KCNT2: variants seen among roughly 807,000 people sequenced by gnomAD.
KCNT2 encodes potassium channel subfamily T member 2.
KCNT2 carries 67 observed loss-of-function variants against 153.8 expected under a neutral mutation model. That is an observed-to-expected ratio of 0.44 (90% CI 0.36 to 0.53). The LOEUF is 0.53. KCNT2 is among the 20% of genes least tolerant of loss of function. The pLI is 0.00. For missense variants in KCNT2, 975 were observed against 1,354.8 expected (o/e 0.72, Z 4.40); for synonymous variants, 500 against 458.8 (o/e 1.09, Z -1.15).
intron 24 of KCNT2, 91 bp from the exon 25 acceptor site, chr1:196,281,079 G>C (rs902650361): frequency 1.7e-5 from 17 of 986,578 alleles, no homozygotes; most frequent in East Asian, 1.6e-4. Context: ...TTATTTTTGT[G>C]GGGGGCAGGG....
chr1:196,340,464 T>C lies in KCNT2; in HGVS notation c.1660A>G (p.Asn554Asp). The change falls in exon 16 of 28, where the codon AAT becomes GAT. Residue 554 changes from asparagine to aspartate, a missense_variant. This residue lies in a region of KCNT2 where 325 missense variants were observed against 388.1 expected (regional missense o/e 0.84). Transcript: ENST00000294725. ...MNSTDICFYI[N>D]ITKEENSAFK... Reference sequence around the variant, plus strand: ...GCTGAATTCTCTTCTTTGGTAATATTAATATAAAAGCATATGTCTGTAGAA... The same window carrying C: ...GCTGAATTCTCTTCTTTGGTAATATCAATATAAAAGCATATGTCTGTAGAA... 3 of 1,611,370 alleles carry C rather than the reference T, an allele frequency of 1.9e-6. No individual in the cohort carries two copies. The highest frequency in any genetic ancestry group is 1.7e-6 in the Non-Finnish European group (2 of 1,178,012).
chr1:196,343,250 C>T (rs183879010), intron 14 of KCNT2: 4 of 152,164 alleles, frequency 2.6e-5, no homozygotes, highest in Non-Finnish European at 5.9e-5. Context: ...AGTACAATGT[C>T]TTTTGTTCTG....
chr1:196,261,130 A>C (rs140911848), intron 25 of KCNT2, among the ~76,000 whole-genome samples: 1 of 151,760 alleles, frequency 6.6e-6, no homozygotes, highest in African/African-American at 2.4e-5. Context: ...CCTGTGTTTT[A>C]AACATGCCAT....
At chr1:196,576,072 TTATATATA>T (rs66537346) in intron 1 of KCNT2, among the ~76,000 whole-genome samples, 1 of 145,212 alleles carries the variant, frequency 6.9e-6, no homozygotes, top group Non-Finnish European at 1.5e-5. Context: ...GTGTTAGGTT[TTATATATA>T]TATATATATA....
intron 13 of KCNT2, among the ~76,000 whole-genome samples, chr1:196,388,729 A>G (rs1053000965): frequency 6.6e-6 from 1 of 151,776 alleles, no homozygotes; most frequent in South Asian, 2.1e-4. Flanking sequence ...TTTCTGTATA[A>G]GGAAGATCAT....
At position 196,387,175 on chromosome 1, in the gene KCNT2, C is replaced by T. The variant is rs112686006; in HGVS notation, c.1294+11388G>A. On this transcript the variant is annotated intron_variant, in intron 13 of 27. Transcript: ENST00000294725. Reference sequence around the variant, plus strand: ...CATCCACAAACCCATCTTCTACCTACTACTATATATTCCTTTATAAAGTGA... The same window carrying T: ...CATCCACAAACCCATCTTCTACCTATTACTATATATTCCTTTATAAAGTGA... 1.3e-3 allele frequency among the ~76,000 whole-genome samples: 202 copies of T among 152,130 alleles called. 2 individuals are homozygous for T. The highest frequency in any genetic ancestry group is 4.7e-3 in the African/African-American group (196 of 41,554).
intron 14 of KCNT2, among the ~76,000 whole-genome samples, chr1:196,358,942 T>A (rs376269889): frequency 6.6e-6 from 1 of 151,992 alleles, no homozygotes; most frequent in Non-Finnish European, 1.5e-5. Context: ...TTTTACCATA[T>A]AGAAAGCAAA....
At chr1:196,357,386 C>T (rs536376922) in intron 14 of KCNT2, among the ~76,000 whole-genome samples, 31 of 152,030 alleles carry the variant, frequency 2.0e-4, no homozygotes, top group African/African-American at 6.3e-4. Context: ...TTATCATAAA[C>T]TCTTTATTTC....
chr1:196,294,018 A>T (rs1356208005), intron 22 of KCNT2, among the ~76,000 whole-genome samples: 5 of 152,134 alleles, frequency 3.3e-5, no homozygotes, highest in African/African-American at 1.2e-4. Context: ...TAAAACACAT[A>T]ACTGAGTCAC....
At chr1:196,290,686 T>A (rs1571926065) in intron 22 of KCNT2, among the ~76,000 whole-genome samples, 1 of 151,988 alleles carries the variant, frequency 6.6e-6, no homozygotes, top group African/African-American at 2.4e-5. Context: ...AATAAATGTA[T>A]CATTTATCTC....
At chr1:196,451,346 T>A (rs1676166966) in intron 8 of KCNT2, among the ~76,000 whole-genome samples, 1 of 143,636 alleles carries the variant, frequency 7.0e-6, no homozygotes, top group African/African-American at 2.5e-5. Flanking sequence ...GTTCAGGCAA[T>A]TCTTATGCCC....
intron 1 of KCNT2, among the ~76,000 whole-genome samples, chr1:196,523,125 G>A (rs544517352): frequency 3.3e-5 from 5 of 152,232 alleles, no homozygotes; most frequent in South Asian, 2.1e-4. Flanking sequence ...GCAAGACCAC[G>A]AAACCACCAG....
At chr1:196,424,588 C>T (rs1284576952) in intron 11 of KCNT2, among the ~76,000 whole-genome samples, 1 of 151,632 alleles carries the variant, frequency 6.6e-6, no homozygotes, top group Non-Finnish European at 1.5e-5. Context: ...AGTATTTAAT[C>T]CACCAAAAAG....
At chr1:196,454,371 C>G (rs935815778) in intron 8 of KCNT2, among the ~76,000 whole-genome samples, 1 of 151,846 alleles carries the variant, frequency 6.6e-6, no homozygotes, top group South Asian at 2.1e-4. Context: ...CCTTGCCCTC[C>G]TTCCCCTCTT....
chr1:196,266,342 G>A (rs1657537151), intron 25 of KCNT2, among the ~76,000 whole-genome samples: 1 of 152,064 alleles, frequency 6.6e-6, no homozygotes, highest in Admixed American at 6.6e-5. Flanking sequence ...TAAAATAAAG[G>A]TACCTCCCCT....
intron 1 of KCNT2, among the ~76,000 whole-genome samples, chr1:196,564,793 C>G (rs7527233): frequency 0.98 from 149,438 of 151,994 alleles, 73,502 homozygotes; most frequent in Middle Eastern, 1. Flanking sequence ...ACTTGCAGAA[C>G]AGTGAATTGA....
At chr1:196,481,455 G>A (rs1039433297) in intron 4 of KCNT2, among the ~76,000 whole-genome samples, 10 of 152,136 alleles carry the variant, frequency 6.6e-5, no homozygotes, top group African/African-American at 2.4e-4. Context: ...CCCCATAAAT[G>A]TATACAACTT....
intron 12 of KCNT2, among the ~76,000 whole-genome samples, chr1:196,412,676 A>G (rs993304638): frequency 2.6e-5 from 4 of 151,684 alleles, no homozygotes; most frequent in African/African-American, 9.7e-5. Flanking sequence ...ATGGTAATCA[A>G]CACATAAAAT....
intron 14 of KCNT2, among the ~76,000 whole-genome samples, chr1:196,372,284 A>T (rs1668602698): frequency 6.6e-6 from 1 of 151,982 alleles, no homozygotes; most frequent in Non-Finnish European, 1.5e-5. Context: ...TAAATCTCAA[A>T]AAAGAATTTT....
Sources: allele counts gnomAD v4.1 joint callset (sites outside exome capture counted in the v4.1 genomes callset), GRCh38; gene constraint gnomAD v4.1.1; regional missense constraint gnomAD v4.1.1; transcripts MANE v1.5; gene names NCBI Gene and HGNC (gene_info 2026-07-23, HGNC 2026-07-21).